Variants in TENM4 observed in about 807,000 individuals in gnomAD.
TENM4 encodes teneurin transmembrane protein 4, also known as teneurin-4.
Under a neutral mutation model 243.3 loss-of-function variants are expected in TENM4, and 82 were observed. The observed-to-expected ratio is 0.34, with a 90% CI of 0.28 to 0.40. The LOEUF is 0.40. TENM4 is among the 10% of genes least tolerant of loss of function. The probability of loss-of-function intolerance (pLI) is 1.00; values close to 1 mark genes in which losing one functional copy is unlikely to be tolerated. For synonymous variants in TENM4, 1,412 were observed against 1,456.3 expected (o/e 0.97, Z 0.69); for missense variants, 3,138 against 3,673.3 (o/e 0.85, Z 3.77).
Position 78,676,226 on chromosome 11 carries a change from G to A in TENM4, c.5422C>T (p.Leu1808Phe), listed in dbSNP as rs1243481306. 2 of 1,602,380 alleles carry A rather than the reference G, an allele frequency of 1.2e-6. No individual in the cohort carries two copies. The highest frequency in any genetic ancestry group is 2.3e-5 in the East Asian group (1 of 44,408). ...RNVTLPIDNGLNLVEWRQRKE... is the reference protein window; with the variant it reads ...RNVTLPIDNGFNLVEWRQRKE... ...CGCTGGCGCCACTCCACCAGGTTGA[G>A]GCCGTTGTCGATGGGCAGCGTGACA... The change falls in exon 30 of 34, where the codon CTC becomes TTC. Residue 1808 changes from leucine to phenylalanine, a missense_variant. Around this residue, in one of 2 missense-constraint regions of TENM4, gnomAD observed 2,467 missense variants for 3,059.1 expected, o/e 0.81. Transcript: ENST00000278550.
chr11:79,401,383 G>T (rs1364992077), intron 1 of TENM4, among the ~76,000 whole-genome samples: 2 of 152,178 alleles, frequency 1.3e-5, no homozygotes, highest in Non-Finnish European at 2.9e-5. Flanking sequence ...ACGTGCTGAG[G>T]CTGTCTAACC....
At chr11:79,350,480 A>G (rs1467832275) in intron 1 of TENM4, among the ~76,000 whole-genome samples, 7 of 148,566 alleles carry the variant, frequency 4.7e-5, no homozygotes, top group Admixed American at 1.3e-4. Flanking sequence ...CCTAGGCTAC[A>G]GTGCAGTGGC....
At chr11:78,929,160 G>T (rs902755571) in intron 6 of TENM4, among the ~76,000 whole-genome samples, 2 of 152,088 alleles carry the variant, frequency 1.3e-5, no homozygotes, top group East Asian at 1.9e-4. Context: ...TATAAATCTG[G>T]ACCCATCAAA....
chr11:79,289,663 C>A (rs573244568), intron 2 of TENM4, among the ~76,000 whole-genome samples: 2 of 152,234 alleles, frequency 1.3e-5, no homozygotes, highest in Non-Finnish European at 2.9e-5. Flanking sequence ...CTCCAATAAA[C>A]TTTCTGCATG....
intron 4 of TENM4, among the ~76,000 whole-genome samples, chr11:79,145,191 A>G (rs1345612086): frequency 6.6e-6 from 1 of 152,096 alleles, no homozygotes. Flanking sequence ...GTTTGTCCTT[A>G]TGACCTGCTA....
intron 6 of TENM4, among the ~76,000 whole-genome samples, chr11:79,022,994 C>G (rs1350176149): frequency 1.3e-5 from 2 of 152,192 alleles, no homozygotes; most frequent in Non-Finnish European, 2.9e-5. Context: ...AGTAACCTGC[C>G]TGAGGTCACA....
At chr11:79,121,272 C>T (rs1414682900) in intron 4 of TENM4, among the ~76,000 whole-genome samples, 1 of 152,098 alleles carries the variant, frequency 6.6e-6, no homozygotes, top group Admixed American at 6.6e-5. Context: ...CCAGACTTCA[C>T]CCCAAAGTGG....
At chr11:79,008,349 G>A (rs893361640) in intron 6 of TENM4, among the ~76,000 whole-genome samples, 1 of 152,156 alleles carries the variant, frequency 6.6e-6, no homozygotes, top group African/African-American at 2.4e-5. Context: ...CGTTCTGGCT[G>A]CCAGCAAACT....
At chr11:79,427,145 T>C (rs555874205) in intron 1 of TENM4, among the ~76,000 whole-genome samples, 1 of 152,236 alleles carries the variant, frequency 6.6e-6, no homozygotes, top group Admixed American at 6.5e-5. Flanking sequence ...GATGAAAACT[T>C]CCCTGGTCAA....
intron 1 of TENM4, among the ~76,000 whole-genome samples, chr11:79,420,614 C>G (rs1467169075): frequency 2.6e-5 from 4 of 152,020 alleles, no homozygotes; most frequent in Non-Finnish European, 5.9e-5. Flanking sequence ...CTTTCTGCAG[C>G]ATGAAAATAC....
chr11:78,977,393 A>C (rs1187628521), intron 6 of TENM4, among the ~76,000 whole-genome samples: 2 of 152,246 alleles, frequency 1.3e-5, no homozygotes, highest in Admixed American at 6.5e-5. Flanking sequence ...TCAACACATA[A>C]CACTGTCCTT....
chr11:78,667,705 T>C (rs760131596), intron 32 of TENM4, among the ~76,000 whole-genome samples: 55 of 152,106 alleles, frequency 3.6e-4, no homozygotes, highest in Non-Finnish European at 6.6e-4. Flanking sequence ...TTTTCTCTCC[T>C]CAATGCCTGA....
At chr11:78,871,720 C>T (rs1452926471) in intron 9 of TENM4, among the ~76,000 whole-genome samples, 1 of 152,180 alleles carries the variant, frequency 6.6e-6, no homozygotes. Context: ...GGAACCATCT[C>T]CTTGGGTCTA....
At chr11:78,736,479 T>TGCGTGC (rs1555073149) in intron 20 of TENM4, among the ~76,000 whole-genome samples, 85 of 99,402 alleles carry the variant, frequency 8.6e-4, no homozygotes, top group African/African-American at 2.3e-3. Flanking sequence ...TGTGTGTGTG[T>TGCGTGC]GCGCGCGCGT....
At chr11:79,357,181 A>C (rs1857511266) in intron 1 of TENM4, among the ~76,000 whole-genome samples, 1 of 152,218 alleles carries the variant, frequency 6.6e-6, no homozygotes, top group Non-Finnish European at 1.5e-5. Flanking sequence ...TCCACTAAAC[A>C]GGGCAGTAAC....
intron 1 of TENM4, among the ~76,000 whole-genome samples, chr11:79,390,317 C>G (rs893762028): frequency 6.6e-6 from 1 of 152,230 alleles, no homozygotes; most frequent in African/African-American, 2.4e-5. Flanking sequence ...CCTGTGCCAG[C>G]ACAGTTAATG....
At chr11:79,231,448 T>C (rs934820462) in intron 2 of TENM4, among the ~76,000 whole-genome samples, 3 of 152,076 alleles carry the variant, frequency 2.0e-5, no homozygotes, top group Non-Finnish European at 4.4e-5. Flanking sequence ...TTGAAGGCAG[T>C]CATTGAAGAG....
chr11:79,263,276 C>T (rs185618606), intron 2 of TENM4, among the ~76,000 whole-genome samples: 2 of 152,316 alleles, frequency 1.3e-5, no homozygotes, highest in East Asian at 3.9e-4. Flanking sequence ...CTTTGCTGGG[C>T]TGAGAAGAAG....
intron 2 of TENM4, among the ~76,000 whole-genome samples, chr11:79,233,744 G>A (rs760946175): frequency 2.0e-5 from 3 of 152,180 alleles, no homozygotes; most frequent in East Asian, 1.9e-4. Context: ...CCACCTCCAG[G>A]TGGCCCTTTG....
Sources: allele counts gnomAD v4.1 joint callset (sites outside exome capture counted in the v4.1 genomes callset), GRCh38; gene constraint gnomAD v4.1.1; regional missense constraint gnomAD v4.1.1; transcripts MANE v1.5; gene names NCBI Gene and HGNC (gene_info 2026-07-23, HGNC 2026-07-21).